ZNF487: variants seen among roughly 807,000 people sequenced by gnomAD.
ZNF487 encodes the protein zinc finger protein 487, also known as KRAB domain only 1.
ZNF487 carries 4 observed loss-of-function variants against 3.0 expected under a neutral mutation model. That is an observed-to-expected ratio of 1.35 (90% CI 0.66 to 3.08). The LOEUF (loss-of-function observed/expected upper bound fraction) is 3.08, where lower values mean the gene tolerates loss of function less well. Ranked by LOEUF, ZNF487 falls within the 30% of genes most tolerant of loss-of-function variation. The pLI, the probability that ZNF487 is intolerant of heterozygous loss-of-function variation, is 0.01. For synonymous variants in ZNF487, 55 were observed against 34.6 expected, an observed-to-expected ratio of 1.59 and a Z score of -2.06; for missense variants, 146 against 98.7, an observed-to-expected ratio of 1.48 and a Z score of -2.03.
chr10:43,505,725 C>T, the ZNF487 span, among the ~76,000 whole-genome samples: 1 of 152,066 alleles, frequency 6.6e-6, no homozygotes, highest in South Asian at 2.1e-4. Flanking sequence ...TCACTGCAAC[C>T]TCTGCCTCCC....
chr10:43,507,850 A>G, the ZNF487 span, among the ~76,000 whole-genome samples: 9 of 152,230 alleles, frequency 5.9e-5, no homozygotes, highest in African/African-American at 1.7e-4. Context: ...GAAGGTCCAC[A>G]TGGTGATGGG....
rs574114726 is a variant in ZNF487 at position 43,455,399 on chromosome 10, G to C, written c.-94+18137G>C. Reference sequence around the variant, plus strand: ...GCGAGCACCATCCCATTGGCATCGTGACTACCAACCACCACATCACTCAGC... The same window carrying C: ...GCGAGCACCATCCCATTGGCATCGTCACTACCAACCACCACATCACTCAGC... On this transcript the variant is annotated intron_variant, in intron 1 of 3. Coordinates refer to ENST00000437590, the MANE Select transcript of ZNF487 (RefSeq NM_001355444.3). Among the ~76,000 whole-genome samples, 4 of 152,346 alleles carry C rather than the reference G, an allele frequency of 2.6e-5. No individual in the cohort carries two copies. The South Asian group carries it at 8.3e-4, about 32-fold the overall frequency.
intron 3 of ZNF487, among the ~76,000 whole-genome samples, chr10:43,480,031 CTT>C (rs1564428877): frequency 9.7e-5 from 8 of 82,332 alleles, no homozygotes; most frequent in African/African-American, 2.4e-4. Context: ...TTCTTTCTTT[CTT>C]TCTTTCTTTC....
the ZNF487 span, among the ~76,000 whole-genome samples, chr10:43,517,439 A>G: frequency 1.8e-4 from 28 of 152,236 alleles, no homozygotes; most frequent in African/African-American, 6.5e-4. Context: ...CCACATTGCA[A>G]TATGACAGGA....
chr10:43,501,115 T>C, the ZNF487 span, among the ~76,000 whole-genome samples: 1 of 152,230 alleles, frequency 6.6e-6, no homozygotes, highest in Non-Finnish European at 1.5e-5. Context: ...CTGTACAGCA[T>C]GTTACTGTAT....
the ZNF487 span, among the ~76,000 whole-genome samples, chr10:43,511,490 C>T: frequency 6.6e-6 from 1 of 152,188 alleles, no homozygotes; most frequent in Non-Finnish European, 1.5e-5. Flanking sequence ...TGACGACAAA[C>T]CTCTGTCCAT....
chr10:43,474,954 T>C (rs1272628243), intron 1 of ZNF487, among the ~76,000 whole-genome samples: 1 of 151,996 alleles, frequency 6.6e-6, no homozygotes, highest in Admixed American at 6.6e-5. Context: ...ACAGATTGAA[T>C]ACCAGGCCAC....
At chr10:43,446,884 T>G (rs1226830487) in intron 1 of ZNF487, among the ~76,000 whole-genome samples, 1 of 152,104 alleles carries the variant, frequency 6.6e-6, no homozygotes, top group Admixed American at 6.6e-5. Flanking sequence ...ATCACGCCAC[T>G]GCACTCCAGC....
chr10:43,483,221 A>G, downstream of ZNF487: 1 of 389,544 alleles, frequency 2.6e-6, no homozygotes, highest in Non-Finnish European at 5.0e-6. Flanking sequence ...TTGATATTTT[A>G]TCTTCTTTTC....
chr10:43,471,902 A>G (rs1163503165), intron 1 of ZNF487, among the ~76,000 whole-genome samples: 1 of 152,226 alleles, frequency 6.6e-6, no homozygotes, highest in African/African-American at 2.4e-5. Flanking sequence ...AAGGGTAGCT[A>G]TATATAAAAT....
chr10:43,478,906 T>G (rs1841201161), intron 3 of ZNF487, among the ~76,000 whole-genome samples: 1 of 151,156 alleles, frequency 6.6e-6, no homozygotes, highest in South Asian at 2.1e-4. Flanking sequence ...CTTTTTTCTT[T>G]TTTCTTTTTT....
intron 3 of ZNF487, among the ~76,000 whole-genome samples, chr10:43,480,848 T>G (rs1841326069): frequency 6.6e-6 from 1 of 152,030 alleles, no homozygotes; most frequent in Non-Finnish European, 1.5e-5. Flanking sequence ...ATTAGGCAAA[T>G]CAGAAGATGA....
chr10:43,493,551 T>TC, the ZNF487 span, among the ~76,000 whole-genome samples: 3 of 151,146 alleles, frequency 2.0e-5, no homozygotes, highest in African/African-American at 7.3e-5. Context: ...AATATCCAGG[T>TC]GTGGTGATGC....
At chr10:43,498,075 T>TTTTATATATATATATA in the ZNF487 span, among the ~76,000 whole-genome samples, 17 of 35,022 alleles carry the variant, frequency 4.9e-4, no homozygotes, top group African/African-American at 2.3e-3. Context: ...ATTTGGTATT[T>TTTTATATATATATATA]TATATATATA....
chr10:43,444,316 C>T (rs1293629142), intron 1 of ZNF487, among the ~76,000 whole-genome samples: 1 of 152,120 alleles, frequency 6.6e-6, no homozygotes, highest in African/African-American at 2.4e-5. Context: ...CCAGTGAACC[C>T]AGCACTGTGT....
At position 43,483,170 on chromosome 10, in the gene ZNF487, A is replaced by G. The variant is rs1360979875; in HGVS notation, c.*1248A>G. ...TGAGAACACCCAATAAAGATGAGAA[A>G]TCTTTTGCCTAGAAGTGATATTTCA... On this transcript the variant is annotated 3_prime_UTR_variant, in exon 4 of 4. Transcript: ENST00000437590. The G allele has an allele frequency of 9.1e-6, 4 of 438,508 alleles. No homozygotes were observed. The highest frequency in any genetic ancestry group is 2.6e-5 in the Admixed American group (1 of 38,054). The allele number at this position is 438,508 out of a possible 1,614,324, so 27.2% of individuals were successfully genotyped here.
At chr10:43,505,754 T>C in the ZNF487 span, among the ~76,000 whole-genome samples, 28 of 152,216 alleles carry the variant, frequency 1.8e-4, no homozygotes, top group Non-Finnish European at 1.6e-4. Context: ...GGAATTCTCC[T>C]GCCTCAGCCT....
At chr10:43,442,515 C>G (rs915117856) in intron 1 of ZNF487, among the ~76,000 whole-genome samples, 1 of 152,128 alleles carries the variant, frequency 6.6e-6, no homozygotes, top group African/African-American at 2.4e-5. Flanking sequence ...ACGATCTCGG[C>G]TCACTGCAAC....
chr10:43,465,480 C>T (rs976654001), intron 1 of ZNF487, among the ~76,000 whole-genome samples: 2 of 151,028 alleles, frequency 1.3e-5, no homozygotes, highest in African/African-American at 2.4e-5. Flanking sequence ...ACGGGGCGGC[C>T]GGGCAGAGAC....
Sources: allele counts gnomAD v4.1 joint callset (sites outside exome capture counted in the v4.1 genomes callset), GRCh38; gene constraint gnomAD v4.1.1; transcripts MANE v1.5; gene names NCBI Gene and HGNC (gene_info 2026-07-23, HGNC 2026-07-21).